LTA4H: variants seen among roughly 807,000 people sequenced by gnomAD.
LTA4H encodes the protein leukotriene A4 hydrolase, also known as leukotriene A-4 hydrolase.
Under a neutral mutation model 89.8 loss-of-function variants are expected in LTA4H, and 59 were observed. That is an observed-to-expected ratio of 0.66 (90% CI 0.53 to 0.82). The LOEUF (loss-of-function observed/expected upper bound fraction) is 0.82. Ranked by LOEUF, LTA4H falls within the 40% of genes least tolerant of loss-of-function variation. The pLI, the probability that LTA4H is intolerant of heterozygous loss-of-function variation, is 0.00. For missense variants in LTA4H, 617 were observed against 727.0 expected (o/e 0.85, Z 1.74); for synonymous variants, 227 against 253.1 (o/e 0.90, Z 0.98).
chr12:96,029,085 A>C lies in LTA4H; in HGVS notation c.260T>G (p.Met87Arg), dbSNP rs140174999. ...CAAAGCGATAGGAAGAGAGATTTCCATTGGCGATCCCTTGTAACTTTGTCT... is the reference window on the plus strand; with the variant it reads ...CAAAGCGATAGGAAGAGAGATTTCCCTTGGCGATCCCTTGTAACTTTGTCT... ...GERQSYKGSP[M>R]EISLPIALSK... The change falls in exon 2 of 19, where the codon ATG becomes AGG. Residue 87 changes from methionine to arginine, a missense_variant. Met to Arg is a moderately conservative substitution (Grantham distance 91, BLOSUM62 -1). Coordinates refer to ENST00000228740, the MANE Select transcript of LTA4H (RefSeq NM_000895.3). 91 of 1,589,180 alleles carry C rather than the reference A, an allele frequency of 5.7e-5. No homozygotes were observed. The highest frequency in any genetic ancestry group is 7.7e-5 in the Non-Finnish European group (90 of 1,168,394).
At chr12:96,001,175 G>A (rs1222701393) in intron 18 of LTA4H, 69 bp from the exon 19 acceptor site, 2 of 950,488 alleles carry the variant, frequency 2.1e-6, no homozygotes, top group Middle Eastern at 2.1e-4. Context: ...AAGGGAGGGA[G>A]AGAAGAAAGA....
chr12:96,003,164 C>A, intron 17 of LTA4H, 100 bp from the exon 18 acceptor site: 5 of 732,094 alleles, frequency 6.8e-6, no homozygotes, highest in Non-Finnish European at 1.2e-5. Flanking sequence ...TATGAATAAC[C>A]CCACTATAGT....
In LTA4H at chr12:96,019,164, C is replaced by G. The variant is rs1330529630; in HGVS notation, c.711+4G>C. On this transcript the variant is annotated splice_donor_region_variant and intron_variant, in intron 7 of 18. Coordinates refer to ENST00000228740, the MANE Select transcript of LTA4H (RefSeq NM_000895.3). The stretch of plus-strand genomic sequence containing the variant: ...TGATTACAAAGGATAACTAAATGAC[C>G]AACCTCAGAAAACTCATAAGCAGAC... 9.3e-6 allele frequency: 15 copies of G among 1,608,734 alleles called. No homozygotes were observed. Among genetic ancestry groups the G allele is most frequent in the Admixed American group, 1.7e-5 (1 of 58,796 alleles).
At chr12:96,021,049 C>T (rs1950446541) in intron 6 of LTA4H, 36 bp downstream of exon 6, 1 of 1,576,406 alleles carries the variant, frequency 6.3e-7, no homozygotes, top group African/African-American at 1.4e-5. Context: ...AAGTTTTGAT[C>T]TTTCCACAAA....
rs150120528 is a variant in LTA4H, at chr12:96,008,248, G to C, written c.1434+846C>G. Among the ~76,000 whole-genome samples, 398 of 152,234 alleles carry C rather than the reference G, an allele frequency of 2.6e-3. 2 individuals carry two copies. Among genetic ancestry groups the C allele is most frequent in the African/African-American group, 9.1e-3 (378 of 41,530 alleles). On this transcript the variant is annotated intron_variant, in intron 15 of 18. Transcript: ENST00000228740. Reference sequence around the variant, plus strand: ...CTGTTGCAAATTAATAGGAATAAAAGTATTCCTAAATCTTCTGTTATTTTT... The same window carrying C: ...CTGTTGCAAATTAATAGGAATAAAACTATTCCTAAATCTTCTGTTATTTTT...
intron 1 of LTA4H, among the ~76,000 whole-genome samples, chr12:96,031,441 T>C (rs964954840): frequency 2.0e-5 from 3 of 151,458 alleles, no homozygotes; most frequent in Non-Finnish European, 4.4e-5. Context: ...TTTTAAAAAA[T>C]AGTCAAAAAC....
At chr12:96,007,014 T>A (rs181798527) in intron 15 of LTA4H, among the ~76,000 whole-genome samples, 46 of 152,302 alleles carry the variant, frequency 3.0e-4, no homozygotes, top group African/African-American at 1.1e-3. Flanking sequence ...ACTTTTATAA[T>A]CTTTTAAACT....
chr12:96,036,072 G>C (rs1238431931), upstream of LTA4H, among the ~76,000 whole-genome samples: 1 of 152,284 alleles, frequency 6.6e-6, no homozygotes, highest in Admixed American at 6.5e-5. Flanking sequence ...GGAGACCGGG[G>C]TTCGATTCCC....
At chr12:96,011,625 GATAC>G (rs566580293) in intron 14 of LTA4H, 5 of 152,224 alleles carry the variant, frequency 3.3e-5, no homozygotes, top group African/African-American at 1.2e-4. Context: ...ATAATTACTT[GATAC>G]ATACATATTT....
chr12:96,029,231 A>G (rs1003510474), intron 1 of LTA4H, 46 bp from the exon 2 acceptor site: 2 of 1,160,592 alleles, frequency 1.7e-6, no homozygotes, highest in Non-Finnish European at 2.4e-6. Flanking sequence ...TTCATTTACC[A>G]GAAAAAACTC....
chr12:96,009,001 CTGTT>C lies in LTA4H; in HGVS notation c.1434+89_1434+92del, dbSNP rs1245070494. The C allele has an allele frequency of 5.6e-6, 5 of 897,432 alleles. No homozygotes were observed. The East Asian group carries it at 9.7e-5, about 17-fold the overall frequency. The allele number at this position is 897,432 out of a possible 1,614,324, so 55.6% of individuals were successfully genotyped here. On this transcript the variant is annotated intron_variant, in intron 15 of 18. Coordinates refer to ENST00000228740, the MANE Select transcript of LTA4H (RefSeq NM_000895.3). ...TTTCAAATAGCCTTTCCAAATATAA[CTGTT>C]TGTGATTTAAAGTACCCTCCCTGCT...
intron 1 of LTA4H, among the ~76,000 whole-genome samples, chr12:96,041,566 CAAAA>C (rs565907757): frequency 1.3e-5 from 2 of 151,196 alleles, no homozygotes; most frequent in African/African-American, 4.9e-5. Flanking sequence ...AAAAAAAAAA[CAAAA>C]AAAGAAATGT....
At position 96,035,469 on chromosome 12, in the gene LTA4H, G is replaced by A; in HGVS notation, c.51C>T (p.Cys17=). 1.2e-6 allele frequency: 2 copies of A among 1,608,652 alleles called. No individual in the cohort carries two copies. The highest frequency in any genetic ancestry group is 1.3e-5 in the African/African-American group (1 of 74,842). Residue 17 remains cysteine, a synonymous_variant, in exon 1 of 19, where the codon TGC becomes TGT. Coordinates refer to ENST00000228740, the MANE Select transcript of LTA4H (RefSeq NM_000895.3). Reference sequence around the variant, plus strand: ...AGCGCAGGTGCAGGTGCTTGGTCCGGCAGACGGAAGCCGGAGAGGCCAACG... The same window carrying A: ...AGCGCAGGTGCAGGTGCTTGGTCCGACAGACGGAAGCCGGAGAGGCCAACG... ...TCSLASPASV[C]RTKHLHLRCS... is the part of the protein sequence containing the mutation.
rs1356381152 is a variant in LTA4H at position 96,022,916 on chromosome 12, CA to C, written c.481-666del. Among the ~76,000 whole-genome samples, 1 of 152,096 alleles carries C rather than the reference CA, an allele frequency of 6.6e-6. No individual in the cohort carries two copies. The highest frequency in any genetic ancestry group is 1.5e-5 in the Non-Finnish European group (1 of 68,016). On this transcript the variant is annotated intron_variant, in intron 4 of 18. Transcript: ENST00000228740. This position sits in a 1 kb window ranked among gnomAD's most constrained non-coding sequence, Gnocchi z 4.0. ...TTTTGAAAACACACACTTGGAGTTA[CA>C]AATAGAGGAACATTTTAAAAGTAGT...
In LTA4H at chr12:96,022,004, GA is replaced by G. The variant is rs570278442; in HGVS notation, c.585+142del. 293 of 604,108 alleles carry G rather than the reference GA, an allele frequency of 4.9e-4. 1 individual carries two copies. In the East Asian group the frequency reaches 6.3e-3, roughly 13 times the overall value. The allele number at this position is 604,108 out of a possible 1,614,324, so 37.4% of individuals were successfully genotyped here. On this transcript the variant is annotated intron_variant, in intron 5 of 18. Transcript: ENST00000228740. This position sits in a 1 kb window ranked among gnomAD's most constrained non-coding sequence, Gnocchi z 4.0. ...AACAAAACCCTTTAAAAGCACAAAA[GA>G]AAAAAAAATGAAGAAAACAAAAACC... is the stretch of plus-strand genomic sequence containing the variant.
intron 3 of LTA4H, 121 bp downstream of exon 3, chr12:96,027,323 C>A: frequency 3.9e-6 from 3 of 761,124 alleles, no homozygotes; most frequent in Non-Finnish European, 6.0e-6. Context: ...TCTATAAGAT[C>A]AATTAATACA....
At chr12:96,039,057 G>A (rs983957640), upstream of LTA4H, among the ~76,000 whole-genome samples, 1 of 151,980 alleles carries the variant, frequency 6.6e-6, no homozygotes, top group Admixed American at 6.6e-5. Flanking sequence ...AATTGAGAAT[G>A]CTTCAAAAAA....
At chr12:96,026,913 G>A (rs1219604519) in intron 3 of LTA4H, among the ~76,000 whole-genome samples, 1 of 152,114 alleles carries the variant, frequency 6.6e-6, no homozygotes, top group East Asian at 1.9e-4. Context: ...GAAAACAAAA[G>A]TAGTTTAAGT....
chr12:96,006,456 A>C lies in LTA4H; in HGVS notation c.1435-47T>G, dbSNP rs748060184. The C allele has an allele frequency of 6.4e-6, 7 of 1,092,312 alleles. 1 individual carries two copies. The Middle Eastern group carries it at 7.3e-4, about 114-fold the overall frequency. The allele number at this position is 1,092,312 out of a possible 1,614,324, so 67.7% of individuals were successfully genotyped here. Reference sequence around the variant, plus strand: ...TATTTTTGTTCAAGTACAATTTAATAATACTTATTGGTTTATCTGACATAA... The same window carrying C: ...TATTTTTGTTCAAGTACAATTTAATCATACTTATTGGTTTATCTGACATAA... On this transcript the variant is annotated intron_variant, in intron 15 of 18. Transcript: ENST00000228740.
Sources: allele counts gnomAD v4.1 joint callset (sites outside exome capture counted in the v4.1 genomes callset), GRCh38; gene constraint gnomAD v4.1.1; non-coding constraint Gnocchi (gnomAD v3.1); transcripts MANE v1.5; gene names NCBI Gene and HGNC (gene_info 2026-07-23, HGNC 2026-07-21).